Variants in RGL1 observed in about 807,000 individuals in gnomAD.
RGL1 encodes the protein ral guanine nucleotide dissociation stimulator like 1.
In RGL1, 24 loss-of-function variants were observed where a neutral mutation model predicts 95.2. The ratio of observed to expected loss-of-function variants is 0.25; its 90% CI spans 0.18 to 0.35. RGL1 has a LOEUF of 0.35. Ranked by LOEUF, RGL1 falls within the 10% of genes least tolerant of loss-of-function variation. The pLI is 1.00. For missense variants in RGL1, 715 were observed against 936.3 expected (o/e 0.76, Z 3.08); for synonymous variants, 329 against 344.9 (o/e 0.95, Z 0.51).
chr1:183,796,241 T>C (rs1213258893), intron 2 of RGL1, among the ~76,000 whole-genome samples: 1 of 150,644 alleles, frequency 6.6e-6, no homozygotes, highest in African/African-American at 2.4e-5. Context: ...CTCGGCTCAC[T>C]GCAACCTCTG....
intron 1 of RGL1, among the ~76,000 whole-genome samples, chr1:183,667,199 A>T (rs951064049): frequency 3.3e-5 from 5 of 151,974 alleles, no homozygotes; most frequent in Non-Finnish European, 5.9e-5. Flanking sequence ...TATCTCTTTC[A>T]ATCTGTATGT....
rs2102688029 is a variant in RGL1 at position 183,897,810 on chromosome 1, A to G, written c.1143A>G (p.Glu381=). The change falls in exon 10 of 18, where the codon GAA becomes GAG. Residue 381 remains glutamate (E), a splice_region_variant and synonymous_variant. Transcript: ENST00000360851. ...CTGTGTGCATTTCTGTTTCTCAGGA[A>G]GGAACCTCAAAATTTGCAAACCTGG... ...HLTSRELLMK[E]GTSKFANLDS... 1.2e-6 allele frequency: 2 copies of G among 1,613,348 alleles called. No homozygotes were observed. The highest frequency in any genetic ancestry group is 1.7e-6 in the Non-Finnish European group (2 of 1,179,328).
In RGL1 at chr1:183,724,411, C is replaced by T. The variant is rs1034781044; in HGVS notation, c.-32-17715C>T. ...GCTCTTGGACAGCATTTCTGGACGT[C>T]CCCTAGGCCAGAGGGGAGCCCACTT... On this transcript the variant is annotated intron_variant, in intron 1 of 18. Transcript: ENST00000304685. This position sits in a 1 kb window ranked among gnomAD's most constrained non-coding sequence, Gnocchi z 4.1. Among the ~76,000 whole-genome samples the T allele has an allele frequency of 2.0e-5, 3 of 152,058 alleles. No homozygotes were observed. The highest frequency in any genetic ancestry group is 7.2e-5 in the African/African-American group (3 of 41,402).
chr1:183,928,259 G>C lies in RGL1; in HGVS notation c.*1967G>C, dbSNP rs930572079. Reference sequence around the variant, plus strand: ...CGTGTTCATCCTGTGTATTTATACTGTATATGTAGAGTCTAGATTTATATA... The same window carrying C: ...CGTGTTCATCCTGTGTATTTATACTCTATATGTAGAGTCTAGATTTATATA... On this transcript the variant is annotated 3_prime_UTR_variant, in exon 18 of 18. Transcript: ENST00000360851. 2.0e-5 allele frequency: 3 copies of C among 151,418 alleles called. No individual in the cohort carries two copies. The highest frequency in any genetic ancestry group is 7.3e-5 in the African/African-American group (3 of 41,012). The allele number at this position is 151,418 out of a possible 1,614,324, so 9.4% of individuals were successfully genotyped here.
intron 1 of RGL1, among the ~76,000 whole-genome samples, chr1:183,723,784 G>C (rs1047713704): frequency 9.2e-5 from 14 of 152,204 alleles, no homozygotes; most frequent in African/African-American, 3.4e-4. Context: ...CTCAGAGCCA[G>C]TGGATTTTGA....
At position 183,922,295 on chromosome 1, in the gene RGL1, C is replaced by T. The variant is rs754437674; in HGVS notation, c.2078C>T (p.Ala693Val). ...AAGCACAATCTGGACTCAGACCCCG[C>T]CGAGGAGTACGAGCTGGTGCAGGTC... ...MLKHNLDSDP[A>V]EEYELVQVIS... Residue 693 changes from alanine (A) to valine (V), a missense_variant, in exon 17 of 18, where the codon GCC becomes GTC. Physicochemically the swap from Ala to Val is moderately conservative, Grantham distance 64 (BLOSUM62 0). Around this residue, in one of 3 missense-constraint regions of RGL1, gnomAD observed 330 missense variants for 429.6 expected, o/e 0.77. Transcript: ENST00000360851. 2 of 1,614,064 alleles carry T rather than the reference C, an allele frequency of 1.2e-6. 1 individual carries two copies. Among genetic ancestry groups the T allele is most frequent in the Non-Finnish European group, 1.7e-6 (2 of 1,179,994 alleles).
intron 2 of RGL1, among the ~76,000 whole-genome samples, chr1:183,760,398 G>C (rs1195914390): frequency 6.6e-6 from 1 of 152,070 alleles, no homozygotes; most frequent in Non-Finnish European, 1.5e-5. Flanking sequence ...AGCATGCAAT[G>C]TTGTTTGATA....
chr1:183,778,997 C>G (rs1397841661), intron 2 of RGL1, among the ~76,000 whole-genome samples: 1 of 152,136 alleles, frequency 6.6e-6, no homozygotes, highest in African/African-American at 2.4e-5. Flanking sequence ...TTAGACTTTT[C>G]TCTCAGTCTT....
At chr1:183,859,217 C>T (rs1665353743) in intron 3 of RGL1, among the ~76,000 whole-genome samples, 1 of 152,068 alleles carries the variant, frequency 6.6e-6, no homozygotes, top group Admixed American at 6.5e-5. Flanking sequence ...GGATGGGCCA[C>T]CAAGCTCTGA....
chr1:183,850,085 C>T (rs1455417343), intron 3 of RGL1, among the ~76,000 whole-genome samples: 2 of 152,122 alleles, frequency 1.3e-5, no homozygotes, highest in Admixed American at 6.5e-5. Context: ...CAAATGATAG[C>T]TTCTTGTTTT....
intron 2 of RGL1, among the ~76,000 whole-genome samples, chr1:183,756,059 AT>A (rs1658315565): frequency 1.3e-5 from 2 of 151,452 alleles, no homozygotes; most frequent in South Asian, 2.1e-4. Context: ...AGTTTTTTGT[AT>A]TTTTAGTAAA....
intron 1 of RGL1, among the ~76,000 whole-genome samples, chr1:183,720,523 G>T (rs1301190943): frequency 6.6e-6 from 1 of 152,242 alleles, no homozygotes; most frequent in Non-Finnish European, 1.5e-5. Context: ...TCCATGGGCT[G>T]CCTACTTCTG....
chr1:183,787,808 TG>T (rs1660250110), intron 2 of RGL1, among the ~76,000 whole-genome samples: 1 of 151,684 alleles, frequency 6.6e-6, no homozygotes, highest in African/African-American at 2.4e-5. Context: ...AAGAGCTGAT[TG>T]TTAAAAAAAA....
chr1:183,782,684 G>C (rs565343373), intron 2 of RGL1, among the ~76,000 whole-genome samples: 1 of 152,320 alleles, frequency 6.6e-6, no homozygotes, highest in Non-Finnish European at 1.5e-5. Flanking sequence ...TTTTATTTTT[G>C]TTGGTAATGT....
At position 183,759,369 on chromosome 1, in the gene RGL1, A is replaced by G. The variant is rs532045107; in HGVS notation, c.132+17080A>G. ...CTATAGGAGTAGTTTCTAGTTGCCT[A>G]GTACCTGGCCCTGGGATGATTAAGG... On this transcript the variant is annotated intron_variant, in intron 2 of 18. Coordinates refer to the RGL1 transcript ENST00000304685. Among the ~76,000 whole-genome samples, 95 of 152,316 alleles carry G rather than the reference A, an allele frequency of 6.2e-4. 2 individuals carry two copies. Among genetic ancestry groups the G allele is most frequent in the Middle Eastern group, 6.8e-3 (2 of 294 alleles).
intron 2 of RGL1, among the ~76,000 whole-genome samples, chr1:183,837,594 T>TA (rs11378338): frequency 2.6e-5 from 4 of 152,054 alleles, no homozygotes; most frequent in Non-Finnish European, 5.9e-5. Flanking sequence ...CAAAATTGCA[T>TA]TGATGTATTC....
intron 1 of RGL1, among the ~76,000 whole-genome samples, chr1:183,639,944 G>A (rs1649810469): frequency 6.6e-6 from 1 of 152,010 alleles, no homozygotes; most frequent in Non-Finnish European, 1.5e-5. Flanking sequence ...CCTGGTTCAA[G>A]CATTCTCCTG....
chr1:183,729,266 A>C (rs781302137), intron 1 of RGL1, among the ~76,000 whole-genome samples: 34 of 152,180 alleles, frequency 2.2e-4, no homozygotes, highest in Admixed American at 3.9e-4. Flanking sequence ...CTTTCAACTC[A>C]CTGATAGAAC....
chr1:183,733,932 C>T (rs569452691), intron 1 of RGL1, among the ~76,000 whole-genome samples: 4 of 152,354 alleles, frequency 2.6e-5, no homozygotes, highest in African/African-American at 4.8e-5. Context: ...AGAGCCAGCT[C>T]ACTCTACATG....
Sources: gnomAD v4.1 joint callset for allele counts (sites outside exome capture counted in the v4.1 genomes callset) on GRCh38, gnomAD v4.1.1 for gene constraint, gnomAD v4.1.1 regional missense constraint, Gnocchi (gnomAD v3.1) non-coding constraint, MANE v1.5 for transcripts, NCBI Gene and HGNC (gene_info 2026-07-23, HGNC 2026-07-21) for gene names.